Variants in RFX8 observed in about 807,000 individuals in gnomAD.
RFX8 encodes the protein regulatory factor X8.
A neutral mutation model predicts 54.6 loss-of-function variants in RFX8; 46 were observed. The ratio of observed to expected loss-of-function variants is 0.84; its 90% CI spans 0.67 to 1.08. The LOEUF (loss-of-function observed/expected upper bound fraction) is 1.08. RFX8 is among the 50% of genes least tolerant of loss of function. The pLI is 0.00. For synonymous variants in RFX8, 192 were observed against 209.5 expected (o/e 0.92, Z 0.72); for missense variants, 536 against 562.3 (o/e 0.95, Z 0.47).
intron 1 of RFX8, chr2:101,474,152 C>G (rs1429317066): frequency 5.0e-6 from 3 of 597,800 alleles, no homozygotes; most frequent in Non-Finnish European, 8.9e-6. Context: ...CGCTTCCCCT[C>G]CCCGGCCCCA....
At chr2:101,459,842 G>A (rs985299631) in intron 2 of RFX8, among the ~76,000 whole-genome samples, 5 of 152,232 alleles carry the variant, frequency 3.3e-5, no homozygotes, top group African/African-American at 1.2e-4. Flanking sequence ...GCCCACAGAG[G>A]TGGAGTCCAT....
At chr2:101,444,127 T>C (rs1468464386) in intron 2 of RFX8, among the ~76,000 whole-genome samples, 1 of 152,210 alleles carries the variant, frequency 6.6e-6, no homozygotes, top group Non-Finnish European at 1.5e-5. Context: ...CAGAGCCTGA[T>C]GCCTCCCTCC....
intron 8 of RFX8, among the ~76,000 whole-genome samples, chr2:101,411,492 C>G (rs1482641858): frequency 1.5e-4 from 2 of 13,592 alleles, no homozygotes; most frequent in Non-Finnish European, 7.6e-4. Flanking sequence ...CTGGAAGGCA[C>G]CGGGCGGGGG....
intron 1 of RFX8, among the ~76,000 whole-genome samples, chr2:101,468,629 G>A (rs1194335744): frequency 1.3e-5 from 2 of 151,838 alleles, no homozygotes; most frequent in Non-Finnish European, 2.9e-5. Flanking sequence ...ACCAGTGACT[G>A]GATTTAGAGC....
In RFX8 at chr2:101,407,303, T is replaced by C. The variant is rs1408268958; in HGVS notation, c.814-1246A>G. 2.0e-5 allele frequency among the ~76,000 whole-genome samples: 3 copies of C among 152,350 alleles called. No individual in the cohort carries two copies. In the East Asian group the frequency reaches 5.8e-4, roughly 29 times the overall value. On this transcript the variant is annotated intron_variant, in intron 9 of 11. Coordinates refer to ENST00000428343, the MANE Select transcript of RFX8 (RefSeq NM_001145664.2). ...CTTTCAGTAGCATCCTCCTCCTCAG[T>C]GCTCCTCACCATCTGAGATGGACTC... is the stretch of plus-strand genomic sequence containing the variant.
chr2:101,445,284 C>T (rs1471070241), intron 2 of RFX8, among the ~76,000 whole-genome samples: 2 of 152,018 alleles, frequency 1.3e-5, no homozygotes, highest in Non-Finnish European at 2.9e-5. Context: ...GCCTGGAATG[C>T]TTGTTCCAGA....
intron 1 of RFX8, among the ~76,000 whole-genome samples, chr2:101,469,256 G>A (rs1279790876): frequency 1.3e-5 from 2 of 150,316 alleles, no homozygotes; most frequent in Admixed American, 6.7e-5. Context: ...CTGGGCTCAA[G>A]GGATCCTCCT....
At chr2:101,446,694 G>C (rs7599252) in intron 2 of RFX8, among the ~76,000 whole-genome samples, 2 of 151,384 alleles carry the variant, frequency 1.3e-5, no homozygotes, top group African/African-American at 4.9e-5. Context: ...TCCCCGGGAC[G>C]CTAATGGTCT....
intron 2 of RFX8, among the ~76,000 whole-genome samples, chr2:101,431,971 C>A (rs764370362): frequency 3.3e-5 from 5 of 152,106 alleles, no homozygotes; most frequent in Non-Finnish European, 7.3e-5. Flanking sequence ...TACCTTTTAG[C>A]ATTTAATTGG....
chr2:101,408,006 C>T (rs1192372744), intron 9 of RFX8, among the ~76,000 whole-genome samples: 1 of 152,214 alleles, frequency 6.6e-6, no homozygotes, highest in Non-Finnish European at 1.5e-5. Flanking sequence ...AAAGATCAGC[C>T]AAGCTATTTT....
intron 8 of RFX8, 100 bp downstream of exon 8, chr2:101,412,815 G>A: frequency 2.6e-6 from 3 of 1,158,854 alleles, no homozygotes; most frequent in Admixed American, 5.4e-5. Context: ...GAGTTATAAA[G>A]TTCTACCCCT....
intron 2 of RFX8, among the ~76,000 whole-genome samples, chr2:101,447,952 C>G (rs1249808703): frequency 6.6e-6 from 1 of 152,224 alleles, no homozygotes; most frequent in African/African-American, 2.4e-5. Flanking sequence ...TTGCTACATC[C>G]TCACATGGCA....
At chr2:101,399,347 T>C (rs181018441) in intron 11 of RFX8, among the ~76,000 whole-genome samples, 29 of 152,310 alleles carry the variant, frequency 1.9e-4, no homozygotes, top group African/African-American at 7.0e-4. Context: ...CTTTTTGGTG[T>C]GATTGTTTAA....
At chr2:101,474,171 ATCCCAGCG>A (rs1229719199) in intron 1 of RFX8, 2 of 612,464 alleles carry the variant, frequency 3.3e-6, no homozygotes, top group African/African-American at 3.9e-5. Flanking sequence ...CACCTCCTCC[ATCCCAGCG>A]TCCCAGGCGC....
At chr2:101,435,801 C>T (rs2148950535) in intron 2 of RFX8, among the ~76,000 whole-genome samples, 1 of 150,070 alleles carries the variant, frequency 6.7e-6, no homozygotes, top group South Asian at 2.2e-4. Context: ...GTTCATATGG[C>T]ACACATTGCA....
intron 2 of RFX8, among the ~76,000 whole-genome samples, chr2:101,425,249 T>G (rs1450332590): frequency 1.3e-5 from 2 of 152,204 alleles, no homozygotes; most frequent in Admixed American, 6.5e-5. Context: ...ACTCACACCC[T>G]GGTTATGTCA....
chr2:101,474,134 G>A, intron 1 of RFX8: 1 of 565,018 alleles, frequency 1.8e-6, no homozygotes, highest in Admixed American at 3.5e-5. Flanking sequence ...CAGCCGTAGC[G>A]GGAACCACGC....
At chr2:101,473,062 A>G (rs1443983874) in intron 1 of RFX8, among the ~76,000 whole-genome samples, 1 of 152,106 alleles carries the variant, frequency 6.6e-6, no homozygotes, top group Non-Finnish European at 1.5e-5. Context: ...GAAAGTTTAC[A>G]AATCTGTGTT....
chr2:101,474,208 A>C (rs761625117), intron 1 of RFX8: 2 of 606,660 alleles, frequency 3.3e-6, no homozygotes, highest in South Asian at 1.7e-5. Flanking sequence ...TCACCACTGG[A>C]TGACGCCGCT....
Sources: gnomAD v4.1 joint callset for allele counts (sites outside exome capture counted in the v4.1 genomes callset) on GRCh38, gnomAD v4.1.1 for gene constraint, MANE v1.5 for transcripts, NCBI Gene and HGNC (gene_info 2026-07-23, HGNC 2026-07-21) for gene names.